CTDSP1: variants seen among roughly 807,000 people sequenced by gnomAD.
CTDSP1 encodes the protein carboxy-terminal domain RNA polymerase II polypeptide A small phosphatase 1.
In CTDSP1, 15 loss-of-function variants were observed where a neutral mutation model predicts 32.5. The ratio of observed to expected loss-of-function variants is 0.46; its 90% CI spans 0.31 to 0.71. The LOEUF is 0.71. Among genes scored for constraint, CTDSP1 ranks in the 30% least tolerant of loss-of-function variants. CTDSP1 has a pLI of 0.05. For missense variants in CTDSP1, 294 were observed against 351.1 expected (o/e 0.84, Z 1.30); for synonymous variants, 185 against 145.4 (o/e 1.27, Z -1.96).
At position 218,403,028 on chromosome 2, in the gene CTDSP1, C is replaced by T; in HGVS notation, c.379-7C>T. The stretch of plus-strand genomic sequence containing the variant: ...GCCCGCAGCCCCCTCACTGGCCCGC[C>T]CCCCAGGTCTACGTGTTGAAGCGTC... On this transcript the variant is annotated splice_polypyrimidine_tract_variant and splice_region_variant and intron_variant, in intron 4 of 6. Coordinates refer to ENST00000273062, the MANE Select transcript of CTDSP1 (RefSeq NM_021198.3). 1 of 1,613,220 alleles carries T rather than the reference C, an allele frequency of 6.2e-7. No individual in the cohort carries two copies. The highest frequency in any genetic ancestry group is 1.1e-5 in the South Asian group (1 of 91,064).
Position 218,402,173 on chromosome 2 carries a change from G to A in CTDSP1, c.279G>A (p.Val93=). The A allele has an allele frequency of 6.2e-7, 1 of 1,613,760 alleles. No individual in the cohort carries two copies. The highest frequency in any genetic ancestry group is 1.6e-4 in the Middle Eastern group (1 of 6,062). ...CCCAGGACTCAGACAAGATCTGCGT[G>A]GTCATCGACCTGGACGAGACCCTGG... The part of the protein sequence containing the change: ...AKAQDSDKIC[V]VIDLDETLVH... Residue 93 remains valine, a synonymous_variant, in exon 3 of 7, where the codon GTG becomes GTA. Coordinates refer to ENST00000273062, the MANE Select transcript of CTDSP1 (RefSeq NM_021198.3).
chr2:218,403,702 T>G, intron 6 of CTDSP1: 1 of 356,920 alleles, frequency 2.8e-6, no homozygotes. Flanking sequence ...AGTTGTGACC[T>G]ACTGATGGCC....
upstream of CTDSP1, chr2:218,398,472 G>A (rs978688229): frequency 6.5e-7 from 1 of 1,528,742 alleles, no homozygotes; most frequent in Non-Finnish European, 8.7e-7. Context: ...TCCAGCCCGG[G>A]GACCGGGGTA....
rs1325142687 is a variant in CTDSP1, at chr2:218,405,045, C to T, written c.*620C>T. 1 of 153,092 alleles carries T rather than the reference C, an allele frequency of 6.5e-6. No individual in the cohort carries two copies. The highest frequency in any genetic ancestry group is 2.4e-5 in the African/African-American group (1 of 41,458). 9.5% of individuals were successfully genotyped at this position (153,092 alleles called of 1,614,324 possible). A position where few individuals can be genotyped will look rare whatever the true frequency, so the allele number is the denominator to read the frequency against. ...CCCCACAGTGCAGCTTCTCCAGGGC[C>T]GACAGCTGAGGGCTGCTCCCTGCAT... is the stretch of plus-strand genomic sequence containing the variant. On this transcript the variant is annotated 3_prime_UTR_variant, in exon 7 of 7. Coordinates refer to ENST00000273062, the MANE Select transcript of CTDSP1 (RefSeq NM_021198.3).
rs1392486139 is a variant in CTDSP1 at position 218,400,229 on chromosome 2, A to C, written c.67+72A>C. The C allele has an allele frequency of 6.4e-6, 9 of 1,400,382 alleles. No individual in the cohort carries two copies. In the East Asian group the frequency reaches 2.3e-4, roughly 36 times the overall value. The allele number at this position is 1,400,382 out of a possible 1,614,324, so 86.7% of individuals were successfully genotyped here. A position where few individuals can be genotyped will look rare whatever the true frequency, so the allele number is the denominator to read the frequency against. On this transcript the variant is annotated intron_variant, in intron 1 of 6. Coordinates refer to ENST00000273062, the MANE Select transcript of CTDSP1 (RefSeq NM_021198.3). ...GAGAGAAGGGGCCGGGATCTTCCCCAGGGGAGCCGCCGCCGCCGCCCCGGG... is the reference window on the plus strand; with the variant it reads ...GAGAGAAGGGGCCGGGATCTTCCCCCGGGGAGCCGCCGCCGCCGCCCCGGG...
At chr2:218,402,575 C>T in intron 4 of CTDSP1, 170 bp downstream of exon 4, 1 of 789,996 alleles carries the variant, frequency 1.3e-6, no homozygotes. Flanking sequence ...AGGGCTTGTG[C>T]TGACTCCAAG....
intron 1 of CTDSP1, 148 bp downstream of exon 1, chr2:218,400,305 A>G (rs1276384430): frequency 5.0e-6 from 4 of 796,936 alleles, no homozygotes; most frequent in Non-Finnish European, 8.3e-6. Context: ...GAGCAGGGAG[A>G]GAGTTTGAAC....
upstream of CTDSP1, chr2:218,399,170 A>G (rs1002681586): frequency 9.2e-5 from 14 of 152,272 alleles, 1 homozygote; most frequent in Admixed American, 9.2e-4. Context: ...AGCGCGTACG[A>G]AAACTTCAGG....
In CTDSP1 at chr2:218,399,881, G is replaced by T; in HGVS notation, c.-210G>T. ...GGTTCCATGTTTGCATCCGCCTCGC[G>T]GGAAGGAAACTCCATGTTGTAACAA... On this transcript the variant is annotated 5_prime_UTR_variant, in exon 1 of 7. Transcript: ENST00000273062. 1 of 1,246,142 alleles carries T rather than the reference G, an allele frequency of 8.0e-7. No individual in the cohort carries two copies. Among genetic ancestry groups the T allele is most frequent in the Non-Finnish European group, 1.0e-6 (1 of 995,214 alleles). 77.2% of individuals were successfully genotyped at this position (1,246,142 alleles called of 1,614,324 possible). A position where few individuals can be genotyped will look rare whatever the true frequency, so the allele number is the denominator to read the frequency against.
intron 1 of CTDSP1, chr2:218,401,359 T>G: frequency 1.7e-6 from 1 of 603,800 alleles, no homozygotes; most frequent in Non-Finnish European, 2.9e-6. Flanking sequence ...GCTAGACCTA[T>G]TTGTCTGGGA....
intron 4 of CTDSP1, 74 bp downstream of exon 4, chr2:218,402,479 G>A: frequency 6.8e-7 from 1 of 1,469,888 alleles, no homozygotes; most frequent in Non-Finnish European, 9.5e-7. Context: ...CCAATCCGGA[G>A]CGCCTCGGAT....
Position 218,400,171 on chromosome 2 carries a change from G to C in CTDSP1, c.67+14G>C. 6.5e-7 allele frequency: 1 copy of C among 1,540,588 alleles called. No individual in the cohort carries two copies. Among genetic ancestry groups the C allele is most frequent in the Non-Finnish European group, 8.7e-7 (1 of 1,143,474 alleles). ...TGCGGGGCAAAGGTACCGGGGCTGC[G>C]GGGAGGGGGCCGAAGCCGGGGCGCC... is the stretch of plus-strand genomic sequence containing the variant. On this transcript the variant is annotated intron_variant, in intron 1 of 6. Transcript: ENST00000273062.
At chr2:218,400,318 A>C (rs1305763604) in intron 1 of CTDSP1, 161 bp downstream of exon 1, 2 of 759,314 alleles carry the variant, frequency 2.6e-6, no homozygotes, top group Non-Finnish European at 4.5e-6. Flanking sequence ...GTTTGAACTC[A>C]GAGGAGGCTC....
At chr2:218,400,971 G>A (rs544868846) in intron 1 of CTDSP1, 48 of 447,596 alleles carry the variant, frequency 1.1e-4, no homozygotes, top group African/African-American at 9.1e-4. Context: ...GCAGGGGGCC[G>A]GAGGGGGGTG....
intron 1 of CTDSP1, chr2:218,400,445 T>G: frequency 3.9e-6 from 2 of 506,542 alleles, no homozygotes; most frequent in Non-Finnish European, 3.7e-6. Context: ...CATTGCGTGG[T>G]GCATGGGCGC....
upstream of CTDSP1, chr2:218,398,107 T>C: frequency 4.7e-6 from 2 of 424,268 alleles, no homozygotes; most frequent in South Asian, 5.0e-5. Flanking sequence ...ACGACTCCAC[T>C]CAGTCCCTCG....
chr2:218,399,515 C>T (rs1696988494), upstream of CTDSP1: 2 of 153,168 alleles, frequency 1.3e-5, no homozygotes, highest in Admixed American at 6.5e-5. Context: ...AACCGAGAAG[C>T]CTCTAGTCCC....
chr2:218,403,642 G>A (rs1254836150), intron 6 of CTDSP1: 3 of 455,492 alleles, frequency 6.6e-6, no homozygotes, highest in Non-Finnish European at 1.2e-5. Context: ...CATGCACAGG[G>A]GCCCCCACAG....
chr2:218,400,526 GAGACTCC>G, intron 1 of CTDSP1: 1 of 388,610 alleles, frequency 2.6e-6, no homozygotes, highest in Non-Finnish European at 5.0e-6. Context: ...GCCACCCGCT[GAGACTCC>G]GCCCCACCCC....
Sources: allele counts gnomAD v4.1 joint callset, GRCh38; gene constraint gnomAD v4.1.1; transcripts MANE v1.5; gene names NCBI Gene and HGNC (gene_info 2026-07-23, HGNC 2026-07-21).